Variants in NAALADL2 observed in about 807,000 individuals in gnomAD.
The protein encoded by NAALADL2 is N-acetylated alpha-linked acidic dipeptidase like 2.
Under a neutral mutation model 87.2 loss-of-function variants are expected in NAALADL2, and 76 were observed. That is an observed-to-expected ratio of 0.87 (90% CI 0.72 to 1.05). The LOEUF (loss-of-function observed/expected upper bound fraction) is 1.05, where lower values mean the gene tolerates loss of function less well. NAALADL2 is among the 50% of genes least tolerant of loss of function. NAALADL2 has a pLI of 0.00. For missense variants in NAALADL2, 1,089 were observed against 945.8 expected (o/e 1.15, Z -1.99); for synonymous variants, 354 against 331.0 (o/e 1.07, Z -0.75).
intron 2 of NAALADL2, among the ~76,000 whole-genome samples, chr3:174,724,866 G>A (rs2108962891): frequency 6.6e-6 from 1 of 152,176 alleles, no homozygotes; most frequent in African/African-American, 2.4e-5. Context: ...CATTTTTAGT[G>A]CTTCTTTAAA....
chr3:174,635,291 C>T (rs1722520842), intron 2 of NAALADL2, among the ~76,000 whole-genome samples: 1 of 152,144 alleles, frequency 6.6e-6, no homozygotes, highest in African/African-American at 2.4e-5. Context: ...TTAATCATTA[C>T]ATGGATTTCC....
intron 2 of NAALADL2, among the ~76,000 whole-genome samples, chr3:174,560,198 A>G (rs987661201): frequency 4.6e-5 from 7 of 152,202 alleles, no homozygotes; most frequent in Admixed American, 2.0e-4. Flanking sequence ...TAGGATACTT[A>G]CCTTTTGATT....
intron 2 of NAALADL2, among the ~76,000 whole-genome samples, chr3:175,166,735 C>A (rs1734063209): frequency 6.6e-6 from 1 of 152,068 alleles, no homozygotes; most frequent in African/African-American, 2.4e-5. Flanking sequence ...ATACCTGCCC[C>A]TGTTCTCCTC....
At chr3:175,082,076 T>C (rs2109249864) in intron 1 of NAALADL2, among the ~76,000 whole-genome samples, 1 of 152,140 alleles carries the variant, frequency 6.6e-6, no homozygotes, top group African/African-American at 2.4e-5. Context: ...GTGTGTTTAT[T>C]AAAACACAAT....
chr3:175,501,645 T>G lies in NAALADL2; in HGVS notation c.1653+29887T>G, dbSNP rs1369195121. Among the ~76,000 whole-genome samples the G allele has an allele frequency of 2.0e-5, 3 of 152,098 alleles. 1 individual carries two copies. The highest frequency in any genetic ancestry group is 4.4e-5 in the Non-Finnish European group (3 of 68,018). On this transcript the variant is annotated intron_variant, in intron 9 of 13. Transcript: ENST00000454872. Reference sequence around the variant, plus strand: ...TGATTGAAGGTCTGATAAATGTCCTTTATCTGAAATAAGGCACATAGGGAA... The same window carrying G: ...TGATTGAAGGTCTGATAAATGTCCTGTATCTGAAATAAGGCACATAGGGAA...
In NAALADL2 at chr3:175,684,249, T is replaced by G. The variant is rs1735978694; in HGVS notation, c.1897-53057T>G. ...AAAGCATTATTTCATTTTGTATAGATTTTTAAAAAATATCCAAATGGAGCA... is the reference window on the plus strand; with the variant it reads ...AAAGCATTATTTCATTTTGTATAGAGTTTTAAAAAATATCCAAATGGAGCA... On this transcript the variant is annotated intron_variant, in intron 11 of 13. Transcript: ENST00000454872. 2.0e-5 allele frequency among the ~76,000 whole-genome samples: 3 copies of G among 152,120 alleles called. No homozygotes were observed. In the South Asian group the frequency reaches 6.2e-4, roughly 32 times the overall value.
At chr3:174,542,578 G>A (rs1239884288) in intron 1 of NAALADL2, among the ~76,000 whole-genome samples, 1 of 152,138 alleles carries the variant, frequency 6.6e-6, no homozygotes, top group Non-Finnish European at 1.5e-5. Context: ...AACAAGTTAG[G>A]TATCAAAGGT....
At chr3:175,237,651 T>G (rs988739216) in intron 3 of NAALADL2, among the ~76,000 whole-genome samples, 2 of 152,180 alleles carry the variant, frequency 1.3e-5, no homozygotes, top group South Asian at 2.1e-4. Context: ...TTATTTTTTT[T>G]CTTTTTCACT....
chr3:175,350,116 G>C (rs79313618), intron 5 of NAALADL2, among the ~76,000 whole-genome samples: 167 of 149,946 alleles, frequency 1.1e-3, no homozygotes, highest in Non-Finnish European at 2.0e-3. Context: ...AATCAGAAAA[G>C]AATATTCTTG....
intron 1 of NAALADL2, among the ~76,000 whole-genome samples, chr3:174,862,765 G>A (rs558289041): frequency 9.2e-5 from 14 of 152,194 alleles, no homozygotes; most frequent in South Asian, 6.2e-4. Context: ...TTTAAGTTAC[G>A]CCTCCCTGGG....
At chr3:175,435,600 A>G (rs1288891411) in intron 5 of NAALADL2, among the ~76,000 whole-genome samples, 1 of 152,120 alleles carries the variant, frequency 6.6e-6, no homozygotes, top group Non-Finnish European at 1.5e-5. Context: ...TACATATTTA[A>G]GCATATTTGT....
intron 2 of NAALADL2, among the ~76,000 whole-genome samples, chr3:174,624,102 T>G (rs1273620950): frequency 6.6e-6 from 1 of 152,176 alleles, no homozygotes; most frequent in Non-Finnish European, 1.5e-5. Flanking sequence ...TACATTTGCT[T>G]AAAATTTTAC....
chr3:175,199,860 ATATATTTTTTTTTTTTTTTT>A (rs1192847981), intron 2 of NAALADL2, among the ~76,000 whole-genome samples: 4 of 15,900 alleles, frequency 2.5e-4, no homozygotes, highest in African/African-American at 1.2e-3. Flanking sequence ...ATATATATAT[ATATATTTTTTTTTTTTTTTT>A]TTTTTTTTTT....
At chr3:175,368,349 A>G (rs1000782566) in intron 5 of NAALADL2, among the ~76,000 whole-genome samples, 2 of 152,106 alleles carry the variant, frequency 1.3e-5, no homozygotes, top group African/African-American at 2.4e-5. Context: ...TGGCTTTGGT[A>G]TCAGGATGAT....
intron 2 of NAALADL2, among the ~76,000 whole-genome samples, chr3:174,572,853 G>A (rs969371865): frequency 1.3e-5 from 2 of 152,132 alleles, no homozygotes; most frequent in Non-Finnish European, 2.9e-5. Context: ...GGAATGCAAG[G>A]AACTTTTCTG....
chr3:175,374,052 T>A (rs541311558), intron 5 of NAALADL2, among the ~76,000 whole-genome samples: 1 of 152,294 alleles, frequency 6.6e-6, no homozygotes, highest in East Asian at 1.9e-4. Context: ...AAGCCATTTG[T>A]CAGATATACA....
At chr3:175,134,274 C>G (rs1728733499) in intron 2 of NAALADL2, among the ~76,000 whole-genome samples, 1 of 152,340 alleles carries the variant, frequency 6.6e-6, no homozygotes, top group South Asian at 2.1e-4. Flanking sequence ...TTCAAGGTAA[C>G]TTGTAGTCAA....
At chr3:174,685,438 A>C (rs926546745) in intron 2 of NAALADL2, among the ~76,000 whole-genome samples, 21 of 152,310 alleles carry the variant, frequency 1.4e-4, no homozygotes, top group African/African-American at 5.0e-4. Flanking sequence ...TTTAAGCCAC[A>C]GTTGATTCCA....
rs538157050 is a variant in NAALADL2 at position 175,025,990 on chromosome 3, T to C, written c.44-70800T>C. ...ATACCCAGAGAATTTTTTGTAATTT[T>C]TGTAAAGACGGGGTCTCCCTATGTT... is the stretch of plus-strand genomic sequence containing the variant. On this transcript the variant is annotated intron_variant, in intron 1 of 13. Transcript: ENST00000454872. Among the ~76,000 whole-genome samples, 167 of 152,174 alleles carry C rather than the reference T, an allele frequency of 1.1e-3. 1 individual carries two copies. Among genetic ancestry groups the C allele is most frequent in the African/African-American group, 3.9e-3 (163 of 41,530 alleles).
Sources: gnomAD v4.1 joint callset for allele counts (sites outside exome capture counted in the v4.1 genomes callset) on GRCh38, gnomAD v4.1.1 for gene constraint, MANE v1.5 for transcripts, NCBI Gene and HGNC (gene_info 2026-07-23, HGNC 2026-07-21) for gene names.